Variants in FAM78B observed in about 807,000 individuals in gnomAD.
FAM78B encodes family with sequence similarity 78 member B.
In FAM78B, 10 loss-of-function variants were observed where a neutral mutation model predicts 20.0. The ratio of observed to expected loss-of-function variants is 0.50; its 90% confidence interval spans 0.31 to 0.85. The LOEUF is 0.85. Among genes scored for constraint, FAM78B ranks in the 40% least tolerant of loss-of-function variants. The pLI is 0.05. For missense variants in FAM78B, 283 were observed against 345.0 expected (o/e 0.82, Z 1.42); for synonymous variants, 135 against 132.8 (o/e 1.02, Z -0.12).
At chr1:166,165,708 C>T (rs1222072910) in intron 1 of FAM78B, among the ~76,000 whole-genome samples, 1 of 152,180 alleles carries the variant, frequency 6.6e-6, no homozygotes, top group Non-Finnish European at 1.5e-5. Context: ...GCCTCTCGAA[C>T]CCTCCTTGTC....
chr1:166,056,265 G>GGT (rs376964230), downstream of FAM78B, among the ~76,000 whole-genome samples: 5 of 151,170 alleles, frequency 3.3e-5, no homozygotes, highest in South Asian at 2.1e-4. Flanking sequence ...TCTTTTGACT[G>GGT]GTGTGTGTGT....
In FAM78B at chr1:166,111,546, T is replaced by A. The variant is rs558824238; in HGVS notation, c.264-40783A>T. 3.3e-5 allele frequency among the ~76,000 whole-genome samples: 5 copies of A among 152,366 alleles called. No homozygotes were observed. In the East Asian group the frequency reaches 7.7e-4, roughly 23 times the overall value. ...GTGCTTATAGTCTATTTTGGAAATATAAAAAGTCTCTTGCTTTAGTTACAA... is the reference window on the plus strand; with the variant it reads ...GTGCTTATAGTCTATTTTGGAAATAAAAAAAGTCTCTTGCTTTAGTTACAA... On this transcript the variant is annotated intron_variant, in intron 1 of 1. Coordinates refer to ENST00000354422, the MANE Select transcript of FAM78B (RefSeq NM_001017961.5).
chr1:166,082,202 C>T (rs1431064712), intron 1 of FAM78B, among the ~76,000 whole-genome samples: 3 of 152,236 alleles, frequency 2.0e-5, no homozygotes, highest in African/African-American at 4.8e-5. Flanking sequence ...AGTTCTCCAG[C>T]CTCATTCATC....
chr1:166,097,553 C>T (rs1451669286), intron 1 of FAM78B, among the ~76,000 whole-genome samples: 1 of 144,630 alleles, frequency 6.9e-6, no homozygotes, highest in African/African-American at 2.5e-5. Context: ...CCTTTGGGGA[C>T]TGAGACCAAC....
chr1:166,111,363 G>A (rs973580644), intron 1 of FAM78B, among the ~76,000 whole-genome samples: 8 of 152,184 alleles, frequency 5.3e-5, no homozygotes, highest in African/African-American at 1.9e-4. Context: ...ATGGGCCTCT[G>A]CTTTCAGAGC....
downstream of FAM78B, among the ~76,000 whole-genome samples, chr1:166,069,144 T>C (rs1332558397): frequency 2.0e-5 from 3 of 152,142 alleles, no homozygotes; most frequent in African/African-American, 7.2e-5. Context: ...CGTATGTACA[T>C]AGAAAGGCTA....
chr1:166,149,091 G>A (rs998350682), intron 1 of FAM78B, among the ~76,000 whole-genome samples: 7 of 152,142 alleles, frequency 4.6e-5, no homozygotes, highest in African/African-American at 1.4e-4. Context: ...TGTGAATAAT[G>A]CCGCAATAAA....
intron 1 of FAM78B, among the ~76,000 whole-genome samples, chr1:166,081,408 G>C (rs1218352129): frequency 6.6e-6 from 1 of 152,112 alleles, no homozygotes; most frequent in Non-Finnish European, 1.5e-5. Context: ...TGAGGTCTGG[G>C]GTCGTTGGCC....
chr1:166,120,128 T>C (rs918885946), intron 1 of FAM78B, among the ~76,000 whole-genome samples: 10 of 152,220 alleles, frequency 6.6e-5, no homozygotes, highest in African/African-American at 2.2e-4. Flanking sequence ...TCCTTGTCTT[T>C]ACATTTATTG....
chr1:166,105,672 G>C (rs1391528040), intron 1 of FAM78B, among the ~76,000 whole-genome samples: 1 of 152,180 alleles, frequency 6.6e-6, no homozygotes, highest in African/African-American at 2.4e-5. Context: ...TCTCACACCA[G>C]TTAGAATGGT....
intron 1 of FAM78B, among the ~76,000 whole-genome samples, chr1:166,162,963 C>T (rs1325587304): frequency 6.6e-6 from 1 of 152,210 alleles, no homozygotes; most frequent in Non-Finnish European, 1.5e-5. Flanking sequence ...CTAGAACACC[C>T]TGCTTGGCCC....
chr1:166,143,971 A>G (rs1012670613), intron 1 of FAM78B, among the ~76,000 whole-genome samples: 1 of 152,158 alleles, frequency 6.6e-6, no homozygotes, highest in African/African-American at 2.4e-5. Context: ...GCTGAAGGAC[A>G]GATAGATGAG....
intron 1 of FAM78B, among the ~76,000 whole-genome samples, chr1:166,103,680 A>G (rs1392040321): frequency 3.3e-5 from 5 of 152,220 alleles, no homozygotes; most frequent in Admixed American, 3.3e-4. Flanking sequence ...GAATAGACCG[A>G]TAATAGACTC....
chr1:166,141,947 C>G (rs750078655), intron 1 of FAM78B, among the ~76,000 whole-genome samples: 7 of 152,190 alleles, frequency 4.6e-5, no homozygotes, highest in African/African-American at 9.7e-5. Flanking sequence ...AGGAGGCAGG[C>G]TGAGAGATGC....
chr1:166,159,531 G>A (rs1656059875), intron 1 of FAM78B, among the ~76,000 whole-genome samples: 2 of 152,160 alleles, frequency 1.3e-5, no homozygotes, highest in African/African-American at 4.8e-5. Context: ...TCACTTGCCA[G>A]TCTGCATCCT....
At chr1:166,092,299 C>T (rs1337766243) in intron 1 of FAM78B, among the ~76,000 whole-genome samples, 1 of 152,196 alleles carries the variant, frequency 6.6e-6, no homozygotes, top group Admixed American at 6.5e-5. Context: ...CACAGCCCTC[C>T]TCCTTCCAGT....
At chr1:166,108,316 G>A (rs556660680) in intron 1 of FAM78B, among the ~76,000 whole-genome samples, 1 of 152,252 alleles carries the variant, frequency 6.6e-6, no homozygotes, top group Admixed American at 6.5e-5. Flanking sequence ...CAAGATTAAT[G>A]TACACCAATC....
chr1:166,142,610 T>C (rs1013467831), intron 1 of FAM78B, among the ~76,000 whole-genome samples: 3 of 152,222 alleles, frequency 2.0e-5, no homozygotes, highest in African/African-American at 7.2e-5. Context: ...GAGGAATCAT[T>C]TTCATTACTT....
chr1:166,154,753 A>G (rs757486025), intron 1 of FAM78B: 6 of 518,276 alleles, frequency 1.2e-5, no homozygotes, highest in South Asian at 8.8e-5. Flanking sequence ...CCAGTGATCC[A>G]GGCCCATGGA....
Sources: allele counts gnomAD v4.1 joint callset (sites outside exome capture counted in the v4.1 genomes callset), GRCh38; gene constraint gnomAD v4.1.1; transcripts MANE v1.5; gene names NCBI Gene and HGNC (gene_info 2026-07-23, HGNC 2026-07-21).